ERC2: variants seen among roughly 807,000 people sequenced by gnomAD.
ERC2 encodes the protein ELKS/RAB6-interacting/CAST family member 2.
ERC2 carries 42 observed loss-of-function variants against 114.8 expected under a neutral mutation model. That is an observed-to-expected ratio of 0.37 (90% CI 0.29 to 0.47). ERC2 has a LOEUF of 0.47. Ranked by LOEUF, ERC2 falls within the 20% of genes least tolerant of loss-of-function variation. ERC2 has a pLI of 0.99. For synonymous variants in ERC2, 454 were observed against 425.5 expected (o/e 1.07, Z -0.82); for missense variants, 939 against 1,150.7 (o/e 0.82, Z 2.66).
chr3:55,601,717 T>C (rs1185088389), intron 17 of ERC2, among the ~76,000 whole-genome samples: 1 of 152,118 alleles, frequency 6.6e-6, no homozygotes, highest in Non-Finnish European at 1.5e-5. Context: ...CTGTAAGCAC[T>C]TTGGGAGGCT....
At chr3:56,086,062 G>T (rs926672035) in intron 6 of ERC2, among the ~76,000 whole-genome samples, 2 of 152,156 alleles carry the variant, frequency 1.3e-5, no homozygotes, top group Admixed American at 6.5e-5. Flanking sequence ...ATTATTTGGT[G>T]TTGAGTGAAG....
At chr3:55,891,437 A>ATTTTTTT (rs869073962) in intron 13 of ERC2, among the ~76,000 whole-genome samples, 11 of 86,958 alleles carry the variant, frequency 1.3e-4, no homozygotes, top group East Asian at 5.0e-4. Context: ...GTCTGGTTCT[A>ATTTTTTT]TTTTTTTTTT....
At chr3:55,738,902 C>T (rs1450322560) in intron 14 of ERC2, among the ~76,000 whole-genome samples, 1 of 152,168 alleles carries the variant, frequency 6.6e-6, no homozygotes, top group Non-Finnish European at 1.5e-5. Context: ...TAATGCTCTC[C>T]CTCCACTAGC....
intron 17 of ERC2, among the ~76,000 whole-genome samples, chr3:55,623,628 T>A (rs1443471244): frequency 1.3e-5 from 2 of 152,198 alleles, no homozygotes; most frequent in Non-Finnish European, 2.9e-5. Context: ...CCTTTAGTTA[T>A]CTATTCCTAA....
chr3:56,234,611 G>A (rs1282457439), intron 3 of ERC2, among the ~76,000 whole-genome samples: 1 of 152,226 alleles, frequency 6.6e-6, no homozygotes, highest in Admixed American at 6.5e-5. Context: ...CAGAATATCA[G>A]AGACTGGGTA....
chr3:56,070,120 T>C (rs1042486942), intron 7 of ERC2, among the ~76,000 whole-genome samples: 2 of 152,148 alleles, frequency 1.3e-5, no homozygotes, highest in African/African-American at 4.8e-5. Flanking sequence ...TAAATGCCAA[T>C]ATAGATATGT....
intron 6 of ERC2, among the ~76,000 whole-genome samples, chr3:56,100,908 G>C (rs1247196744): frequency 6.6e-6 from 1 of 152,078 alleles, no homozygotes; most frequent in Non-Finnish European, 1.5e-5. Context: ...ACAAGGAAAG[G>C]GGCCTAAAAA....
At chr3:55,929,255 C>T (rs551342292) in intron 13 of ERC2, among the ~76,000 whole-genome samples, 6 of 152,292 alleles carry the variant, frequency 3.9e-5, no homozygotes, top group South Asian at 2.1e-4. Flanking sequence ...CCCCCTAAAA[C>T]TTCCTGCTCA....
chr3:56,021,191 T>C (rs1481055233), intron 7 of ERC2, among the ~76,000 whole-genome samples: 1 of 152,162 alleles, frequency 6.6e-6, no homozygotes, highest in Non-Finnish European at 1.5e-5. Context: ...ATATAATCTC[T>C]TGCATAAAAT....
At chr3:56,219,192 G>A (rs2150144307) in intron 3 of ERC2, among the ~76,000 whole-genome samples, 1 of 152,166 alleles carries the variant, frequency 6.6e-6, no homozygotes, top group African/African-American at 2.4e-5. Context: ...TACACTGCTT[G>A]GGTGATGGAT....
intron 14 of ERC2, among the ~76,000 whole-genome samples, chr3:55,742,956 G>C (rs1277615804): frequency 2.0e-5 from 3 of 152,186 alleles, no homozygotes; most frequent in Non-Finnish European, 4.4e-5. Context: ...GGGCCCACAG[G>C]GTGAGATATA....
At chr3:55,965,617 T>C (rs1291270027) in intron 12 of ERC2, among the ~76,000 whole-genome samples, 4 of 152,210 alleles carry the variant, frequency 2.6e-5, no homozygotes, top group African/African-American at 9.6e-5. Context: ...CATTTTTCCA[T>C]TGTCCAAAAC....
At chr3:55,794,819 T>C (rs2070345005) in intron 14 of ERC2, among the ~76,000 whole-genome samples, 2 of 152,214 alleles carry the variant, frequency 1.3e-5, no homozygotes, top group African/African-American at 2.4e-5. Context: ...AACTCACAGT[T>C]ATCATGAGGT....
chr3:55,630,963 A>G (rs960344000), intron 17 of ERC2, among the ~76,000 whole-genome samples: 1 of 152,138 alleles, frequency 6.6e-6, no homozygotes, highest in South Asian at 2.1e-4. Context: ...TGGAAAAAAA[A>G]AAATAGATGG....
chr3:55,924,882 C>T (rs2065657747), intron 13 of ERC2, among the ~76,000 whole-genome samples: 1 of 152,116 alleles, frequency 6.6e-6, no homozygotes, highest in Non-Finnish European at 1.5e-5. Flanking sequence ...CTTGGATTCC[C>T]TGTGTGAGCT....
intron 14 of ERC2, among the ~76,000 whole-genome samples, chr3:55,759,740 T>C (rs2067305842): frequency 6.6e-6 from 1 of 152,186 alleles, no homozygotes; most frequent in Admixed American, 6.5e-5. Flanking sequence ...CAGCTGCACA[T>C]TCCTTAAATT....
chr3:56,436,291 A>G (rs1270215669), intron 1 of ERC2, among the ~76,000 whole-genome samples: 1 of 152,248 alleles, frequency 6.6e-6, no homozygotes, highest in African/African-American at 2.4e-5. Context: ...AACAAAATGC[A>G]GGTAGTACCA....
chr3:55,668,082 T>C (rs1284231232), intron 17 of ERC2, among the ~76,000 whole-genome samples: 3 of 152,084 alleles, frequency 2.0e-5, no homozygotes, highest in Non-Finnish European at 4.4e-5. Context: ...TATATATCTC[T>C]CTCACTATAT....
At chr3:55,646,287 G>A (rs900949438) in intron 17 of ERC2, among the ~76,000 whole-genome samples, 5 of 152,152 alleles carry the variant, frequency 3.3e-5, no homozygotes, top group Admixed American at 6.5e-5. Flanking sequence ...CGTCATGTCT[G>A]AGCTGTCACC....
Sources: gnomAD v4.1 joint callset for allele counts (sites outside exome capture counted in the v4.1 genomes callset) on GRCh38, gnomAD v4.1.1 for gene constraint, MANE v1.5 for transcripts, NCBI Gene and HGNC (gene_info 2026-07-23, HGNC 2026-07-21) for gene names.